The following CSMD1 variants were observed in gnomAD, a reference collection of about 807,000 sequenced individuals.
CSMD1 encodes the protein CUB and sushi domain-containing protein 1.
A neutral mutation model predicts 417.5 loss-of-function variants in CSMD1; 213 were observed. That is an observed-to-expected ratio of 0.51 (90% CI 0.46 to 0.57). The LOEUF (loss-of-function observed/expected upper bound fraction) is 0.57, where lower values mean the gene tolerates loss of function less well. Ranked by LOEUF, CSMD1 falls within the 20% of genes least tolerant of loss-of-function variation. The pLI is 0.00. For synonymous variants in CSMD1, 2,862 were observed against 1,736.8 expected (o/e 1.65, Z -16.11); for missense variants, 6,923 against 4,529.7 (o/e 1.53, Z -15.17).
At chr8:4,690,252 G>A (rs1806682747) in intron 1 of CSMD1, among the ~76,000 whole-genome samples, 1 of 152,138 alleles carries the variant, frequency 6.6e-6, no homozygotes. Context: ...AAGTCTTAAT[G>A]AAATTTCCCT....
chr8:4,916,214 A>G (rs1806058147), intron 1 of CSMD1, among the ~76,000 whole-genome samples: 1 of 152,230 alleles, frequency 6.6e-6, no homozygotes, highest in Non-Finnish European at 1.5e-5. Flanking sequence ...AGCTCCGTAG[A>G]TGACCACAAT....
intron 5 of CSMD1, among the ~76,000 whole-genome samples, chr8:3,820,557 T>C (rs1337408023): frequency 6.6e-6 from 1 of 152,068 alleles, no homozygotes; most frequent in Non-Finnish European, 1.5e-5. Flanking sequence ...CATTTGTCGT[T>C]GTTGTGTTTT....
At chr8:4,606,420 G>A (rs1164045227) in intron 2 of CSMD1, among the ~76,000 whole-genome samples, 1 of 152,006 alleles carries the variant, frequency 6.6e-6, no homozygotes, top group Admixed American at 6.5e-5. Context: ...TGGCTCCCTG[G>A]GCTCACAGTG....
At chr8:3,557,472 G>C (rs977325642) in intron 10 of CSMD1, among the ~76,000 whole-genome samples, 1 of 152,114 alleles carries the variant, frequency 6.6e-6, no homozygotes, top group African/African-American at 2.4e-5. Context: ...AGGCTTCCTT[G>C]AAAAGATAAT....
At chr8:3,569,587 C>G (rs950225647) in intron 10 of CSMD1, among the ~76,000 whole-genome samples, 2 of 152,188 alleles carry the variant, frequency 1.3e-5, no homozygotes, top group Non-Finnish European at 2.9e-5. Flanking sequence ...ATCCAAAATG[C>G]TTCACTGATG....
intron 5 of CSMD1, among the ~76,000 whole-genome samples, chr8:3,968,947 T>C (rs956431652): frequency 6.6e-6 from 1 of 152,164 alleles, no homozygotes; most frequent in Non-Finnish European, 1.5e-5. Flanking sequence ...CCGACTACTC[T>C]TCTTTACTAA....
chr8:2,964,377 G>A (rs1803768794), intron 59 of CSMD1, among the ~76,000 whole-genome samples: 1 of 152,184 alleles, frequency 6.6e-6, no homozygotes, highest in South Asian at 2.1e-4. Context: ...GAGGGCTGGG[G>A]AAATGCGTGT....
chr8:4,192,299 G>C (rs933174404), intron 3 of CSMD1, among the ~76,000 whole-genome samples: 1 of 152,186 alleles, frequency 6.6e-6, no homozygotes, highest in Non-Finnish European at 1.5e-5. Flanking sequence ...GTTTCATAAA[G>C]TATGCAATTA....
intron 2 of CSMD1, among the ~76,000 whole-genome samples, chr8:4,513,175 G>C (rs1420386989): frequency 6.6e-6 from 1 of 152,130 alleles, no homozygotes; most frequent in Non-Finnish European, 1.5e-5. Context: ...TGTCAAAGTA[G>C]GTTCATTGAT....
intron 49 of CSMD1, among the ~76,000 whole-genome samples, chr8:3,065,633 A>T (rs984274443): frequency 1.3e-5 from 2 of 152,198 alleles, no homozygotes; most frequent in Non-Finnish European, 2.9e-5. Flanking sequence ...AGGAAGATAG[A>T]TTGATAGATA....
intron 3 of CSMD1, among the ~76,000 whole-genome samples, chr8:4,377,676 A>G (rs569681490): frequency 3.9e-5 from 6 of 152,186 alleles, no homozygotes; most frequent in Admixed American, 6.5e-5. Flanking sequence ...ATATATTTCT[A>G]TTAAGCTTTT....
Position 3,883,453 on chromosome 8 carries a change from CGTGTATAAGT to C in CSMD1, c.818+114440_818+114449del, listed in dbSNP as rs903357879. On this transcript the variant is annotated intron_variant, in intron 5 of 69. Transcript: ENST00000635120. ...GTATGTTTGTGTATATATGTATGCT[CGTGTATAAGT>C]GTGTATATATGTATATGCACACAAA... Among the ~76,000 whole-genome samples, 2 of 151,812 alleles carry C rather than the reference CGTGTATAAGT, an allele frequency of 1.3e-5. 1 individual carries two copies. The highest frequency in any genetic ancestry group is 1.3e-4 in the Admixed American group (2 of 15,234).
intron 6 of CSMD1, among the ~76,000 whole-genome samples, chr8:3,718,085 A>G (rs559823452): frequency 2.6e-5 from 4 of 152,334 alleles, no homozygotes; most frequent in African/African-American, 7.2e-5. Flanking sequence ...GAAAAATGCT[A>G]TCTTATTTTT....
intron 25 of CSMD1, among the ~76,000 whole-genome samples, chr8:3,298,429 G>A (rs1166181579): frequency 1.3e-5 from 2 of 151,870 alleles, no homozygotes; most frequent in Non-Finnish European, 2.9e-5. Flanking sequence ...AATGAAGTGA[G>A]ACACATAATT....
intron 1 of CSMD1, among the ~76,000 whole-genome samples, chr8:4,752,320 T>A (rs905298239): frequency 6.6e-6 from 1 of 152,204 alleles, no homozygotes; most frequent in Non-Finnish European, 1.5e-5. Context: ...TGCTTGAAAT[T>A]GCTTTATGTA....
intron 3 of CSMD1, among the ~76,000 whole-genome samples, chr8:4,207,856 T>C (rs552250026): frequency 2.0e-4 from 30 of 152,230 alleles, no homozygotes; most frequent in African/African-American, 6.0e-4. Context: ...TCAGTGATAA[T>C]TGGTTCCATA....
chr8:3,991,387 A>C (rs1004623277), intron 5 of CSMD1, among the ~76,000 whole-genome samples: 10 of 152,204 alleles, frequency 6.6e-5, no homozygotes, highest in African/African-American at 2.2e-4. Context: ...TCACGGTTGC[A>C]TATATAACCC....
intron 5 of CSMD1, among the ~76,000 whole-genome samples, chr8:3,810,882 T>C (rs1801029657): frequency 6.6e-6 from 1 of 152,142 alleles, no homozygotes; most frequent in African/African-American, 2.4e-5. Flanking sequence ...AACGCAGGCA[T>C]TTTCACCCTG....
At chr8:4,200,684 C>T (rs1278449935) in intron 3 of CSMD1, among the ~76,000 whole-genome samples, 1 of 152,058 alleles carries the variant, frequency 6.6e-6, no homozygotes, top group East Asian at 1.9e-4. Context: ...AGGAAGACCG[C>T]ACCTCTACAA....
Sources: allele counts gnomAD v4.1 joint callset (sites outside exome capture counted in the v4.1 genomes callset), GRCh38; gene constraint gnomAD v4.1.1; transcripts MANE v1.5; gene names NCBI Gene and HGNC (gene_info 2026-07-23, HGNC 2026-07-21).